The following SEC22A variants were observed in gnomAD, a reference collection of about 807,000 sequenced individuals.
The protein encoded by SEC22A is SEC22 homolog A, vesicle trafficking protein.
Under a neutral mutation model 35.3 loss-of-function variants are expected in SEC22A, and 22 were observed. The observed-to-expected ratio is 0.62, with a 90% CI of 0.45 to 0.89. The LOEUF is 0.89. Among genes scored for constraint, SEC22A ranks in the 40% least tolerant of loss-of-function variants. The probability of loss-of-function intolerance (pLI) is 0.00; values close to 1 mark genes in which losing one functional copy is unlikely to be tolerated. For synonymous variants in SEC22A, 119 were observed against 129.5 expected (o/e 0.92, Z 0.55); for missense variants, 354 against 362.5 (o/e 0.98, Z 0.19).
At chr3:123,220,787 A>G (rs1401925517) in intron 2 of SEC22A, among the ~76,000 whole-genome samples, 1 of 150,758 alleles carries the variant, frequency 6.6e-6, no homozygotes, top group Non-Finnish European at 1.5e-5. Flanking sequence ...CACCACTAGT[A>G]TATCCCATAC....
intron 2 of SEC22A, among the ~76,000 whole-genome samples, chr3:123,215,080 T>G (rs1440141769): frequency 6.6e-6 from 1 of 152,230 alleles, no homozygotes; most frequent in African/African-American, 2.4e-5. Flanking sequence ...AATTATTGAG[T>G]ACTTGCTATT....
At chr3:123,229,875 A>AAT (rs1553710288) in intron 4 of SEC22A, among the ~76,000 whole-genome samples, 3 of 150,964 alleles carry the variant, frequency 2.0e-5, no homozygotes, top group Admixed American at 6.6e-5. Flanking sequence ...AAAAAAAAAT[A>AAT]AATAATAATA....
chr3:123,216,347 A>G (rs904689492), intron 2 of SEC22A, among the ~76,000 whole-genome samples: 3 of 152,194 alleles, frequency 2.0e-5, no homozygotes, highest in African/African-American at 7.2e-5. Context: ...TCTGAAGAAA[A>G]GGAAATAAAG....
At position 123,272,833 on chromosome 3, in the gene SEC22A, A is replaced by G. The variant is rs1938202958; in HGVS notation, c.*1111A>G. On this transcript the variant is annotated 3_prime_UTR_variant, in exon 7 of 7. Transcript: ENST00000492595. ...GCCACCAGTGGCATGGGTCCGCACT[A>G]TGGAAATGCTTGACTGTAGTAAGAA... 6.5e-6 allele frequency: 1 copy of G among 153,808 alleles called. No homozygotes were observed. The allele number at this position is 153,808 out of a possible 1,614,324, so 9.5% of individuals were successfully genotyped here.
At chr3:123,253,952 A>G (rs1486826857) in intron 5 of SEC22A, among the ~76,000 whole-genome samples, 1 of 151,896 alleles carries the variant, frequency 6.6e-6, no homozygotes, top group Non-Finnish European at 1.5e-5. Flanking sequence ...TGGAGAAAGA[A>G]AATAAAAAAG....
chr3:123,205,707 C>CA (rs936988907), intron 1 of SEC22A, among the ~76,000 whole-genome samples: 2 of 151,774 alleles, frequency 1.3e-5, no homozygotes, highest in Admixed American at 6.6e-5. Flanking sequence ...AAAAAAACAA[C>CA]AAAAAAAGGA....
At chr3:123,232,169 G>C (rs560673547) in intron 4 of SEC22A, among the ~76,000 whole-genome samples, 4 of 152,184 alleles carry the variant, frequency 2.6e-5, no homozygotes, top group Non-Finnish European at 5.9e-5. Context: ...AAACGTGGGA[G>C]GTGGAGGTTG....
chr3:123,249,953 T>G (rs1385574849), intron 5 of SEC22A, among the ~76,000 whole-genome samples: 1 of 152,230 alleles, frequency 6.6e-6, no homozygotes, highest in Non-Finnish European at 1.5e-5. Flanking sequence ...CCTAGCATGT[T>G]TATTTACAAG....
chr3:123,250,718 A>C (rs1366880886), intron 5 of SEC22A, among the ~76,000 whole-genome samples: 1 of 152,214 alleles, frequency 6.6e-6, no homozygotes, highest in Non-Finnish European at 1.5e-5. Flanking sequence ...GGCCATTTTG[A>C]GAAAGCCAGT....
At chr3:123,231,176 A>G (rs1226262350) in intron 4 of SEC22A, among the ~76,000 whole-genome samples, 1 of 152,230 alleles carries the variant, frequency 6.6e-6, no homozygotes, top group Non-Finnish European at 1.5e-5. Context: ...AACCTGCCAG[A>G]AGTGAATACA....
chr3:123,250,364 C>T (rs567526107), intron 5 of SEC22A, among the ~76,000 whole-genome samples: 2 of 151,886 alleles, frequency 1.3e-5, no homozygotes, highest in Non-Finnish European at 2.9e-5. Context: ...GAGCCAAGAT[C>T]GTGCCACTGC....
At chr3:123,260,360 T>C (rs1937862148) in intron 6 of SEC22A, among the ~76,000 whole-genome samples, 1 of 152,070 alleles carries the variant, frequency 6.6e-6, no homozygotes, top group East Asian at 1.9e-4. Flanking sequence ...GGAAATTGGT[T>C]TGGAATTATT....
intron 6 of SEC22A, among the ~76,000 whole-genome samples, chr3:123,270,980 C>G (rs1938147291): frequency 6.6e-6 from 1 of 152,038 alleles, no homozygotes; most frequent in South Asian, 2.1e-4. Flanking sequence ...TGTAGCAGGC[C>G]CTGAGTAAAT....
intron 5 of SEC22A, among the ~76,000 whole-genome samples, chr3:123,255,087 T>A (rs553426886): frequency 6.6e-6 from 1 of 152,346 alleles, no homozygotes; most frequent in Admixed American, 6.5e-5. Flanking sequence ...TCTTATCTTA[T>A]GTACCCTCTC....
chr3:123,235,211 T>A (rs1308216148), intron 4 of SEC22A, among the ~76,000 whole-genome samples: 1 of 152,112 alleles, frequency 6.6e-6, no homozygotes, highest in Non-Finnish European at 1.5e-5. Context: ...AAAACTTTGT[T>A]CTTCGAACGA....
At chr3:123,270,206 C>A (rs2108114231) in intron 6 of SEC22A, among the ~76,000 whole-genome samples, 1 of 152,278 alleles carries the variant, frequency 6.6e-6, no homozygotes, top group Middle Eastern at 3.4e-3. Flanking sequence ...ACTGTTTTTG[C>A]ATCTTTAACT....
Position 123,271,887 on chromosome 3 carries a change from G to A in SEC22A, c.*165G>A, listed in dbSNP as rs1944. The stretch of plus-strand genomic sequence containing the variant: ...GCATGATGTGCCTGTGAGCATGGAA[G>A]AGTCCTCTCAGAAGAATGTTGGCCA... On this transcript the variant is annotated 3_prime_UTR_variant, in exon 7 of 7. Transcript: ENST00000492595. The A allele has an allele frequency of 1.6e-6, 1 of 615,620 alleles. No homozygotes were observed. The highest frequency in any genetic ancestry group is 2.8e-6 in the Non-Finnish European group (1 of 351,978). The allele number at this position is 615,620 out of a possible 1,614,324, so 38.1% of individuals were successfully genotyped here.
Position 123,245,978 on chromosome 3 carries a change from A to G in SEC22A, c.621A>G (p.Leu207=). The change falls in exon 5 of 7, where the codon TTA becomes TTG. Residue 207 remains leucine, a synonymous_variant. Transcript: ENST00000492595. ...GTCTTTTATGTGGAGCTCTGAATTT[A>G]ATTCGAGGCTTTCATGCTATAGAAA... ...ILSLLCGALN[L]IRGFHAIESL... 1 of 1,612,434 alleles carries G rather than the reference A, an allele frequency of 6.2e-7. No homozygotes were observed. Among genetic ancestry groups the G allele is most frequent in the East Asian group, 2.2e-5 (1 of 44,864 alleles).
Position 123,209,446 on chromosome 3 carries a change from C to A in SEC22A, c.182+47C>A, listed in dbSNP as rs775210602. The A allele has an allele frequency of 2.2e-5, 33 of 1,495,214 alleles. No homozygotes were observed. In the South Asian group the frequency reaches 3.5e-4, roughly 16 times the overall value. The allele number at this position is 1,495,214 out of a possible 1,614,324, so 92.6% of individuals were successfully genotyped here. ...TTTGACTCATTTGCCCAGTAGTTGT[C>A]ATTTTAATGAAGTTTAAGTGGTTGC... On this transcript the variant is annotated intron_variant, in intron 2 of 6. Coordinates refer to ENST00000492595, the MANE Select transcript of SEC22A (RefSeq NM_012430.5).
Sources: gnomAD v4.1 joint callset for allele counts (sites outside exome capture counted in the v4.1 genomes callset) on GRCh38, gnomAD v4.1.1 for gene constraint, MANE v1.5 for transcripts, NCBI Gene and HGNC (gene_info 2026-07-23, HGNC 2026-07-21) for gene names.